AUH: variants seen among roughly 807,000 people sequenced by gnomAD.
AUH encodes AU RNA binding methylglutaconyl-CoA hydratase, also known as methylglutaconyl-CoA hydratase, mitochondrial.
A neutral mutation model predicts 42.3 loss-of-function variants in AUH; 29 were observed. That is an observed-to-expected ratio of 0.69 (90% CI 0.51 to 0.93). The LOEUF (loss-of-function observed/expected upper bound fraction) is 0.93, where lower values mean the gene tolerates loss of function less well. Ranked by LOEUF, AUH falls within the 40% of genes least tolerant of loss-of-function variation. The pLI is 0.00. For missense variants in AUH, 452 were observed against 438.1 expected (o/e 1.03, Z -0.28); for synonymous variants, 174 against 166.4 (o/e 1.05, Z -0.35).
At chr9:91,358,698 AC>A (rs1030374719) in intron 1 of AUH, among the ~76,000 whole-genome samples, 2 of 152,244 alleles carry the variant, frequency 1.3e-5, no homozygotes, top group Admixed American at 6.5e-5. Flanking sequence ...TGACATTATT[AC>A]TGAAGGGTAA....
chr9:91,267,135 G>A (rs1830017585), intron 6 of AUH, among the ~76,000 whole-genome samples: 1 of 152,070 alleles, frequency 6.6e-6, no homozygotes, highest in African/African-American at 2.4e-5. Context: ...CCCTAGAAAG[G>A]TGCCCCAGCT....
At chr9:91,340,961 A>T (rs2131975749) in intron 3 of AUH, among the ~76,000 whole-genome samples, 1 of 152,360 alleles carries the variant, frequency 6.6e-6, no homozygotes, top group East Asian at 1.9e-4. Flanking sequence ...TACACACAAA[A>T]TTTACTAACC....
At chr9:91,224,185 G>T (rs1827297515) in intron 6 of AUH, among the ~76,000 whole-genome samples, 1 of 152,206 alleles carries the variant, frequency 6.6e-6, no homozygotes, top group African/African-American at 2.4e-5. Context: ...TGTTTTGGTA[G>T]CAATTTCATT....
At chr9:91,305,033 A>G (rs1304967985) in intron 4 of AUH, among the ~76,000 whole-genome samples, 1 of 152,204 alleles carries the variant, frequency 6.6e-6, no homozygotes, top group Non-Finnish European at 1.5e-5. Flanking sequence ...ACTCAGCAAT[A>G]TATTATTTTA....
chr9:91,286,035 T>C (rs1826377618), intron 6 of AUH, among the ~76,000 whole-genome samples: 1 of 152,162 alleles, frequency 6.6e-6, no homozygotes, highest in African/African-American at 2.4e-5. Context: ...AGTATGACCT[T>C]ATTAATCATA....
intron 6 of AUH, among the ~76,000 whole-genome samples, chr9:91,279,433 A>C (rs1401747310): frequency 6.6e-6 from 1 of 152,194 alleles, no homozygotes; most frequent in Non-Finnish European, 1.5e-5. Flanking sequence ...AGAGTAATTT[A>C]TAAAGAAAAG....
At chr9:91,332,368 G>A (rs1160783444) in intron 3 of AUH, among the ~76,000 whole-genome samples, 1 of 152,164 alleles carries the variant, frequency 6.6e-6, no homozygotes, top group Non-Finnish European at 1.5e-5. Flanking sequence ...CAGGAGTGGT[G>A]GCGGGTGCCT....
intron 6 of AUH, among the ~76,000 whole-genome samples, chr9:91,231,094 G>A (rs983925691): frequency 1.2e-4 from 18 of 152,178 alleles, no homozygotes; most frequent in South Asian, 4.1e-4. Flanking sequence ...CAAGCTTCCC[G>A]GCTGCTTTGT....
chr9:91,232,830 G>A (rs1827964974), intron 6 of AUH, among the ~76,000 whole-genome samples: 1 of 152,222 alleles, frequency 6.6e-6, no homozygotes, highest in Non-Finnish European at 1.5e-5. Flanking sequence ...CAGCTGAAGA[G>A]GCAGCAGAAT....
chr9:91,215,584 T>TA (rs1469811460), intron 9 of AUH, among the ~76,000 whole-genome samples: 1 of 152,158 alleles, frequency 6.6e-6, no homozygotes, highest in Non-Finnish European at 1.5e-5. Context: ...ATGCAAAACT[T>TA]ACAGATGAAA....
chr9:91,214,568 C>T (rs887373029), intron 9 of AUH, 143 bp from the exon 10 acceptor site: 26 of 676,986 alleles, frequency 3.8e-5, no homozygotes, highest in Non-Finnish European at 6.4e-5. Flanking sequence ...ATTATGTAAC[C>T]AAACTCATCC....
intron 6 of AUH, among the ~76,000 whole-genome samples, chr9:91,277,252 T>C (rs571921859): frequency 6.6e-6 from 1 of 152,334 alleles, no homozygotes; most frequent in East Asian, 1.9e-4. Context: ...TTTAAGCATA[T>C]ACAGAATCCA....
Position 91,331,532 on chromosome 9 carries a change from T to C in AUH, c.419-6128A>G, listed in dbSNP as rs533475707. Among the ~76,000 whole-genome samples the C allele has an allele frequency of 1.8e-4, 28 of 152,354 alleles. 1 individual carries two copies. The South Asian group carries it at 5.2e-3, about 28-fold the overall frequency. On this transcript the variant is annotated intron_variant, in intron 3 of 9. Transcript: ENST00000375731. The stretch of plus-strand genomic sequence containing the variant: ...TGTAACTTGCCAGTAATAACTTGTA[T>C]TGCTTTTGCATTATCTACTGCAAAC...
intron 3 of AUH, among the ~76,000 whole-genome samples, chr9:91,355,247 A>C (rs1370652719): frequency 6.6e-6 from 1 of 152,226 alleles, no homozygotes. Flanking sequence ...GCTTTAAAAA[A>C]TTGAGAATCC....
chr9:91,291,856 A>T (rs1826919950), intron 6 of AUH, among the ~76,000 whole-genome samples: 1 of 151,632 alleles, frequency 6.6e-6, no homozygotes, highest in African/African-American at 2.4e-5. Flanking sequence ...TAGCATACAT[A>T]AAAGGTACCA....
chr9:91,291,310 G>C (rs553563645), intron 6 of AUH, among the ~76,000 whole-genome samples: 3 of 152,204 alleles, frequency 2.0e-5, no homozygotes, highest in East Asian at 3.9e-4. Context: ...GTGTCTGTTG[G>C]GGGGGTGGGG....
chr9:91,233,770 A>C (rs1402399147), intron 6 of AUH, among the ~76,000 whole-genome samples: 3 of 152,230 alleles, frequency 2.0e-5, no homozygotes, highest in Non-Finnish European at 4.4e-5. Flanking sequence ...ACATCCTTGC[A>C]GAAGTGTCTT....
At chr9:91,276,299 C>T (rs929313493) in intron 6 of AUH, among the ~76,000 whole-genome samples, 2 of 151,652 alleles carry the variant, frequency 1.3e-5, no homozygotes, top group Non-Finnish European at 1.5e-5. Context: ...GGTGTGGTGG[C>T]GGACGCCTGT....
intron 6 of AUH, among the ~76,000 whole-genome samples, chr9:91,240,894 G>C (rs550080693): frequency 6.6e-6 from 1 of 152,158 alleles, no homozygotes; most frequent in South Asian, 2.1e-4. Context: ...ATGCAGCTGA[G>C]GGAGAAGGTC....
Sources: gnomAD v4.1 joint callset for allele counts (sites outside exome capture counted in the v4.1 genomes callset) on GRCh38, gnomAD v4.1.1 for gene constraint, MANE v1.5 for transcripts, NCBI Gene and HGNC (gene_info 2026-07-23, HGNC 2026-07-21) for gene names.